Variants in PRDM5 observed in about 807,000 individuals in gnomAD.
PRDM5 encodes the protein PR domain zinc finger protein 5.
PRDM5 carries 56 observed loss-of-function variants against 81.2 expected under a neutral mutation model. The observed-to-expected ratio is 0.69, with a 90% confidence interval of 0.56 to 0.86. The LOEUF is 0.86. PRDM5 is among the 40% of genes least tolerant of loss of function. PRDM5 has a pLI of 0.00. For missense variants in PRDM5, 697 were observed against 770.1 expected (o/e 0.91, Z 1.12); for synonymous variants, 267 against 256.4 (o/e 1.04, Z -0.39).
intron 2 of PRDM5, among the ~76,000 whole-genome samples, chr4:120,879,008 C>A (rs1470574059): frequency 6.6e-6 from 1 of 152,134 alleles, no homozygotes; most frequent in African/African-American, 2.4e-5. Context: ...CATACTCTTA[C>A]CATGTGATCC....
chr4:120,902,416 A>G (rs1401672903), intron 2 of PRDM5, among the ~76,000 whole-genome samples: 1 of 152,242 alleles, frequency 6.6e-6, no homozygotes, highest in East Asian at 1.9e-4. Context: ...CAAATAGAAC[A>G]TAGGTCATAG....
Position 120,882,438 on chromosome 4 carries a change from G to A in PRDM5, c.177+25036C>T, listed in dbSNP as rs565753762. On this transcript the variant is annotated intron_variant, in intron 2 of 15. Transcript: ENST00000264808. The stretch of plus-strand genomic sequence containing the variant: ...GCTGGGATTACAGACGTGAACCACC[G>A]CACCTGGCCACCTTCTTCCATCTTC... Among the ~76,000 whole-genome samples the A allele has an allele frequency of 4.6e-5, 7 of 152,214 alleles. No homozygotes were observed. In the South Asian group the frequency reaches 6.2e-4, roughly 14 times the overall value.
At chr4:120,708,029 G>A (rs1488436023) in intron 15 of PRDM5, among the ~76,000 whole-genome samples, 2 of 151,986 alleles carry the variant, frequency 1.3e-5, no homozygotes, top group Admixed American at 1.3e-4. Flanking sequence ...GGGAGAAATT[G>A]GAATCCTTGT....
At chr4:120,918,364 T>C (rs1037639832) in intron 1 of PRDM5, among the ~76,000 whole-genome samples, 15 of 152,154 alleles carry the variant, frequency 9.9e-5, no homozygotes, top group Non-Finnish European at 1.8e-4. Context: ...TAAGCAAACA[T>C]TGGCTGGCAG....
At chr4:120,796,640 T>C (rs567945993) in intron 10 of PRDM5, among the ~76,000 whole-genome samples, 69 of 152,246 alleles carry the variant, frequency 4.5e-4, no homozygotes, top group Middle Eastern at 3.4e-3. Context: ...GTACAATGCT[T>C]GAGGTAAACA....
rs973311685 is a variant in PRDM5, at chr4:120,777,242, C to T, written c.1483G>A (p.Gly495Ser). ...GTACCACTGCTGGCAAATTTCTGGCCACAATATGGACAGATTTTCTCCTTT... is the reference window on the plus strand; with the variant it reads ...GTACCACTGCTGGCAAATTTCTGGCTACAATATGGACAGATTTTCTCCTTT... The part of the protein sequence containing the change: ...GEKEKICPYC[G>S]QKFASSGTLR... Residue 495 changes from glycine to serine, a missense_variant, in exon 13 of 16, where the codon GGC becomes AGC. By Grantham distance (56) the Gly-to-Ser change is moderately conservative. Around this residue, in one of 3 missense-constraint regions of PRDM5, gnomAD observed 577 missense variants for 606.7 expected, o/e 0.95. Transcript: ENST00000264808. The T allele has an allele frequency of 6.2e-7, 1 of 1,613,366 alleles. No individual in the cohort carries two copies. The highest frequency in any genetic ancestry group is 1.1e-5 in the South Asian group (1 of 91,070).
Position 120,819,250 on chromosome 4 carries a change from A to G in PRDM5, c.476-723T>C, listed in dbSNP as rs527701418. ...GGGATCATACTTTATATACAATTTT[A>G]TATGTTTTCCCATTTAACATCTTCT... On this transcript the variant is annotated intron_variant, in intron 4 of 15. Coordinates refer to ENST00000264808, the MANE Select transcript of PRDM5 (RefSeq NM_018699.4). Among the ~76,000 whole-genome samples, 216 of 152,332 alleles carry G rather than the reference A, an allele frequency of 1.4e-3. 2 individuals carry two copies. Among genetic ancestry groups the G allele is most frequent in the African/African-American group, 4.6e-3 (192 of 41,582 alleles).
intron 6 of PRDM5, 97 bp from the exon 7 acceptor site, chr4:120,816,671 T>C (rs765487877): frequency 7.0e-6 from 11 of 1,578,354 alleles, no homozygotes; most frequent in South Asian, 2.2e-5. Context: ...TGCTCCCTAG[T>C]AGAGTTTCGG....
chr4:120,855,111 C>T (rs1386221402), intron 2 of PRDM5, among the ~76,000 whole-genome samples: 1 of 152,110 alleles, frequency 6.6e-6, no homozygotes, highest in Non-Finnish European at 1.5e-5. Context: ...TTTAAAGACA[C>T]ATCTGTTACA....
intron 1 of PRDM5, among the ~76,000 whole-genome samples, chr4:120,686,071 C>T (rs141668755): frequency 3.0e-4 from 46 of 152,128 alleles, no homozygotes; most frequent in Non-Finnish European, 5.3e-4. Context: ...CTCTTGCTCC[C>T]GCTCTGGCCA....
chr4:120,737,641 A>G (rs1741312646), intron 14 of PRDM5, among the ~76,000 whole-genome samples: 1 of 152,212 alleles, frequency 6.6e-6, no homozygotes, highest in African/African-American at 2.4e-5. Context: ...TGATGAATGC[A>G]CGCACTCTTG....
At chr4:120,796,678 G>A (rs975735569) in intron 10 of PRDM5, among the ~76,000 whole-genome samples, 2 of 152,146 alleles carry the variant, frequency 1.3e-5, no homozygotes, top group African/African-American at 2.4e-5. Context: ...AAATTAGGCA[G>A]AGACGATTTA....
At chr4:120,800,584 A>C (rs1312586063) in intron 8 of PRDM5, among the ~76,000 whole-genome samples, 3 of 152,152 alleles carry the variant, frequency 2.0e-5, no homozygotes, top group Admixed American at 6.6e-5. Flanking sequence ...ATCTAGTCAA[A>C]GGATCCAAAG....
Position 120,713,400 on chromosome 4 carries a change from TTCTA to T in PRDM5, c.1624-2991_1624-2988del, listed in dbSNP as rs1460564936. Among the ~76,000 whole-genome samples, 7 of 152,294 alleles carry T rather than the reference TTCTA, an allele frequency of 4.6e-5. No homozygotes were observed. The East Asian group carries it at 1.2e-3, about 25-fold the overall frequency. ...AGCTTTTTTGTGATCCAAAGATTAC[TTCTA>T]TCTAAGATGGCAAGTTTTGCCTCTT... On this transcript the variant is annotated intron_variant, in intron 14 of 15. Coordinates refer to ENST00000264808, the MANE Select transcript of PRDM5 (RefSeq NM_018699.4).
intron 3 of PRDM5, among the ~76,000 whole-genome samples, chr4:120,835,148 A>G (rs1303071574): frequency 1.3e-5 from 2 of 152,240 alleles, no homozygotes; most frequent in Admixed American, 6.5e-5. Flanking sequence ...TAAGTATAAC[A>G]TAATGCAATA....
intron 2 of PRDM5, among the ~76,000 whole-genome samples, chr4:120,856,596 A>T (rs1207442483): frequency 2.3e-5 from 2 of 88,442 alleles, no homozygotes; most frequent in Admixed American, 1.7e-4. Context: ...CGCCTTGCTG[A>T]CATATCATCT....
At chr4:120,795,588 C>CAA (rs199790541) in intron 10 of PRDM5, among the ~76,000 whole-genome samples, 3 of 111,398 alleles carry the variant, frequency 2.7e-5, no homozygotes, top group African/African-American at 7.6e-5. Context: ...ACTAAATTTT[C>CAA]AAAAAAAAAA....
intron 14 of PRDM5, among the ~76,000 whole-genome samples, chr4:120,744,164 G>A (rs146913706): frequency 1.3e-5 from 2 of 151,440 alleles, no homozygotes; most frequent in Non-Finnish European, 2.9e-5. Context: ...ACTGAACAAC[G>A]TGCTCCTGAA....
chr4:120,825,598 T>G, intron 3 of PRDM5, among the ~76,000 whole-genome samples: 1 of 152,170 alleles, frequency 6.6e-6, no homozygotes. Context: ...ACAGTCCTCA[T>G]CGAGTCACCA....
Sources: allele counts gnomAD v4.1 joint callset (sites outside exome capture counted in the v4.1 genomes callset), GRCh38; gene constraint gnomAD v4.1.1; regional missense constraint gnomAD v4.1.1; transcripts MANE v1.5; gene names NCBI Gene and HGNC (gene_info 2026-07-23, HGNC 2026-07-21).